The following ROBO1 variants were observed in gnomAD, a reference collection of about 807,000 sequenced individuals.
The protein encoded by ROBO1 is roundabout guidance receptor 1.
Under a neutral mutation model 195.9 loss-of-function variants are expected in ROBO1, and 149 were observed. The ratio of observed to expected loss-of-function variants is 0.76; its 90% confidence interval spans 0.67 to 0.87. ROBO1 has a LOEUF of 0.87. Ranked by LOEUF, ROBO1 falls within the 40% of genes least tolerant of loss-of-function variation. The pLI is 0.00. For missense variants in ROBO1, 1,933 were observed against 2,068.3 expected (o/e 0.93, Z 1.27); for synonymous variants, 816 against 733.2 (o/e 1.11, Z -1.82).
intron 3 of ROBO1, among the ~76,000 whole-genome samples, chr3:79,073,650 C>G (rs1275584920): frequency 2.0e-5 from 3 of 151,824 alleles, no homozygotes; most frequent in African/African-American, 7.2e-5. Flanking sequence ...TCAGTTCATG[C>G]TACCACTTTG....
At chr3:78,814,624 G>A (rs1011354286) in intron 4 of ROBO1, among the ~76,000 whole-genome samples, 6 of 151,958 alleles carry the variant, frequency 3.9e-5, no homozygotes, top group South Asian at 2.1e-4. Flanking sequence ...AGGCCAGCCC[G>A]CTCATAAACG....
At chr3:78,838,758 A>T (rs1360375571) in intron 4 of ROBO1, among the ~76,000 whole-genome samples, 1 of 152,188 alleles carries the variant, frequency 6.6e-6, no homozygotes, top group Non-Finnish European at 1.5e-5. Flanking sequence ...GGGGACAATC[A>T]TTCAAACTTT....
intron 1 of ROBO1, 112 bp downstream of exon 1, chr3:79,767,640 C>T (rs1212821826): frequency 1.3e-5 from 2 of 152,224 alleles, no homozygotes; most frequent in East Asian, 3.9e-4. Flanking sequence ...CTGCAGAGTC[C>T]TCTCGGCAAC....
chr3:78,933,654 G>C (rs549548073), intron 4 of ROBO1, among the ~76,000 whole-genome samples: 4 of 152,020 alleles, frequency 2.6e-5, no homozygotes, highest in African/African-American at 9.6e-5. Flanking sequence ...TGTTATGCAA[G>C]GCAATGACAG....
intron 2 of ROBO1, among the ~76,000 whole-genome samples, chr3:79,155,636 G>C (rs1027362668): frequency 7.3e-5 from 11 of 151,632 alleles, no homozygotes; most frequent in African/African-American, 2.7e-4. Context: ...CACATTTCCC[G>C]TGGATTATTT....
intron 2 of ROBO1, among the ~76,000 whole-genome samples, chr3:79,298,374 G>C (rs2032711080): frequency 1.3e-5 from 2 of 151,928 alleles, no homozygotes; most frequent in African/African-American, 4.8e-5. Context: ...TAACCCTGGT[G>C]AGCTTGTGAG....
intron 3 of ROBO1, among the ~76,000 whole-genome samples, chr3:78,994,756 T>A (rs2077320509): frequency 6.6e-6 from 1 of 152,192 alleles, no homozygotes; most frequent in African/African-American, 2.4e-5. Flanking sequence ...TTCACTATAC[T>A]TTCACCTTTA....
At chr3:79,482,292 G>C (rs1396592906) in intron 2 of ROBO1, among the ~76,000 whole-genome samples, 1 of 152,182 alleles carries the variant, frequency 6.6e-6, no homozygotes, top group Non-Finnish European at 1.5e-5. Context: ...GTTTGGCTGT[G>C]TCCCCACCCA....
intron 2 of ROBO1, among the ~76,000 whole-genome samples, chr3:79,528,592 T>C (rs115782219): frequency 0.012 from 1,799 of 152,300 alleles, 29 homozygotes; most frequent in Middle Eastern, 0.048. Flanking sequence ...ACTCAAAGTT[T>C]AGTGCTTACT....
At chr3:78,665,769 G>A (rs1287487028) in intron 14 of ROBO1, among the ~76,000 whole-genome samples, 2 of 152,146 alleles carry the variant, frequency 1.3e-5, no homozygotes, top group African/African-American at 4.8e-5. Context: ...ACTCAGAAGG[G>A]CTGACTAGCT....
chr3:78,694,119 T>A (rs2081236242), intron 8 of ROBO1, among the ~76,000 whole-genome samples: 1 of 152,182 alleles, frequency 6.6e-6, no homozygotes, highest in East Asian at 1.9e-4. Context: ...TAAATCATAA[T>A]TACATTTTCT....
At chr3:79,749,644 G>A (rs1398800153) in intron 1 of ROBO1, among the ~76,000 whole-genome samples, 1 of 152,184 alleles carries the variant, frequency 6.6e-6, no homozygotes, top group East Asian at 1.9e-4. Flanking sequence ...CTCCAGCCAT[G>A]GCTGAAAGGG....
intron 3 of ROBO1, among the ~76,000 whole-genome samples, chr3:79,095,300 A>G (rs1006884970): frequency 2.0e-5 from 3 of 152,074 alleles, no homozygotes; most frequent in African/African-American, 7.2e-5. Context: ...GGAAATGATC[A>G]TATGTGACTT....
chr3:79,717,590 T>C (rs1702540749), intron 1 of ROBO1, among the ~76,000 whole-genome samples: 1 of 152,012 alleles, frequency 6.6e-6, no homozygotes. Flanking sequence ...TTTCCCCAAA[T>C]GTTTCACACA....
At chr3:78,641,484 C>T (rs116436106) in intron 21 of ROBO1, among the ~76,000 whole-genome samples, 2,759 of 152,196 alleles carry the variant, frequency 0.018, 77 homozygotes, top group African/African-American at 0.063. Flanking sequence ...TGAAGAGTAA[C>T]GTTTCCAAAC....
intron 3 of ROBO1, among the ~76,000 whole-genome samples, chr3:79,083,876 T>C (rs567247888): frequency 1.3e-5 from 2 of 152,328 alleles, no homozygotes; most frequent in South Asian, 2.1e-4. Context: ...ATTTCAATTA[T>C]GGTTCTGAAC....
intron 8 of ROBO1, among the ~76,000 whole-genome samples, chr3:78,703,175 TA>T (rs1448524975): frequency 4.6e-5 from 7 of 152,158 alleles, no homozygotes; most frequent in African/African-American, 1.4e-4. Flanking sequence ...AGAAGTTCTT[TA>T]CTTTATTCCT....
chr3:78,749,734 G>A (rs1457276855), intron 4 of ROBO1, among the ~76,000 whole-genome samples: 1 of 152,070 alleles, frequency 6.6e-6, no homozygotes, highest in African/African-American at 2.4e-5. Flanking sequence ...CAAATGATTT[G>A]CAGCATTTTG....
chr3:79,550,397 A>AT (rs1358174547), intron 2 of ROBO1, among the ~76,000 whole-genome samples: 1 of 152,128 alleles, frequency 6.6e-6, no homozygotes, highest in African/African-American at 2.4e-5. Flanking sequence ...GTCAAAGCAC[A>AT]TGGTAAGCCA....
Sources: allele counts gnomAD v4.1 joint callset (sites outside exome capture counted in the v4.1 genomes callset), GRCh38; gene constraint gnomAD v4.1.1; transcripts MANE v1.5; gene names NCBI Gene and HGNC (gene_info 2026-07-23, HGNC 2026-07-21).